The following PDE4D variants were observed in gnomAD, a reference collection of about 807,000 sequenced individuals.
PDE4D encodes the protein phosphodiesterase 4D, also known as 3',5'-cyclic-AMP phosphodiesterase 4D.
PDE4D carries 24 observed loss-of-function variants against 87.4 expected under a neutral mutation model. The ratio of observed to expected loss-of-function variants is 0.27; its 90% CI spans 0.20 to 0.39. The LOEUF (loss-of-function observed/expected upper bound fraction) is 0.39. Among genes scored for constraint, PDE4D ranks in the 10% least tolerant of loss-of-function variants. PDE4D has a pLI of 1.00. For synonymous variants in PDE4D, 384 were observed against 383.2 expected (o/e 1.00, Z -0.02); for missense variants, 714 against 1,041.0 (o/e 0.69, Z 4.32).
At chr5:59,645,255 G>A (rs1360029777) in intron 1 of PDE4D, among the ~76,000 whole-genome samples, 1 of 152,190 alleles carries the variant, frequency 6.6e-6, no homozygotes, top group African/African-American at 2.4e-5. Context: ...TAGGAAGGGT[G>A]AAGCTTCAGG....
At chr5:59,323,168 G>C (rs186884765) in intron 1 of PDE4D, among the ~76,000 whole-genome samples, 1 of 151,978 alleles carries the variant, frequency 6.6e-6, no homozygotes, top group Admixed American at 6.6e-5. Context: ...CTCCACCCTC[G>C]ACAATTCCCA....
intron 2 of PDE4D, among the ~76,000 whole-genome samples, chr5:60,143,901 T>A (rs1325557827): frequency 6.6e-6 from 1 of 152,124 alleles, no homozygotes; most frequent in Non-Finnish European, 1.5e-5. Flanking sequence ...GTGGGCTCAG[T>A]GGTCAGAATA....
intron 1 of PDE4D, among the ~76,000 whole-genome samples, chr5:59,259,131 A>G (rs1258416762): frequency 6.6e-6 from 1 of 151,870 alleles, no homozygotes; most frequent in Non-Finnish European, 1.5e-5. Context: ...ACAAACATAA[A>G]CAAGAAAATA....
At chr5:59,623,637 A>T (rs1483406963) in intron 1 of PDE4D, among the ~76,000 whole-genome samples, 6 of 152,160 alleles carry the variant, frequency 3.9e-5, no homozygotes, top group Non-Finnish European at 8.8e-5. Flanking sequence ...AGGTCCCCAG[A>T]GTTCCAATTC....
At chr5:60,302,158 G>C (rs1020605813) in intron 1 of PDE4D, among the ~76,000 whole-genome samples, 12 of 152,150 alleles carry the variant, frequency 7.9e-5, no homozygotes, top group African/African-American at 2.9e-4. Flanking sequence ...TCTCTGCCAG[G>C]TTTTGGTATC....
intron 1 of PDE4D, among the ~76,000 whole-genome samples, chr5:60,462,748 C>T (rs1049814428): frequency 6.6e-6 from 1 of 152,184 alleles, no homozygotes; most frequent in Non-Finnish European, 1.5e-5. Context: ...TCATTCACTA[C>T]CACTGAGCCC....
At chr5:59,790,231 T>A (rs1420385905) in intron 1 of PDE4D, among the ~76,000 whole-genome samples, 1 of 152,060 alleles carries the variant, frequency 6.6e-6, no homozygotes, top group Non-Finnish European at 1.5e-5. Flanking sequence ...CACAGCAAAA[T>A]AATTACATGA....
intron 1 of PDE4D, among the ~76,000 whole-genome samples, chr5:60,249,429 A>C (rs958678763): frequency 1.3e-5 from 2 of 152,058 alleles, no homozygotes; most frequent in Admixed American, 1.3e-4. Flanking sequence ...AAATGTTTAT[A>C]AAATACAGTT....
chr5:59,939,793 G>T (rs1756991610), intron 3 of PDE4D, among the ~76,000 whole-genome samples: 1 of 152,106 alleles, frequency 6.6e-6, no homozygotes, highest in Non-Finnish European at 1.5e-5. Flanking sequence ...CCAACCTAAG[G>T]ATTGTGAACT....
intron 1 of PDE4D, among the ~76,000 whole-genome samples, chr5:60,299,117 A>G (rs909296661): frequency 6.6e-6 from 1 of 152,238 alleles, no homozygotes; most frequent in Non-Finnish European, 1.5e-5. Flanking sequence ...AAGTAAAATT[A>G]GGTTTTTTTT....
chr5:60,133,808 G>T (rs1157318991), intron 2 of PDE4D, among the ~76,000 whole-genome samples: 1 of 152,100 alleles, frequency 6.6e-6, no homozygotes, highest in Non-Finnish European at 1.5e-5. Flanking sequence ...CTGACTCCTT[G>T]TAACTATATA....
At chr5:59,659,531 A>ATAAT (rs1744899491) in intron 1 of PDE4D, among the ~76,000 whole-genome samples, 1 of 152,230 alleles carries the variant, frequency 6.6e-6, no homozygotes, top group African/African-American at 2.4e-5. Context: ...GGCCTTTCCG[A>ATAAT]TAATTATGTC....
intron 5 of PDE4D, among the ~76,000 whole-genome samples, chr5:59,126,687 T>G (rs1775450645): frequency 6.6e-6 from 1 of 152,226 alleles, no homozygotes; most frequent in Non-Finnish European, 1.5e-5. Flanking sequence ...CAGATTTTGC[T>G]TTATGTGCCT....
At chr5:59,394,916 C>T (rs543471112) in intron 1 of PDE4D, among the ~76,000 whole-genome samples, 11 of 152,182 alleles carry the variant, frequency 7.2e-5, no homozygotes, top group South Asian at 4.1e-4. Context: ...TTGCCTCACT[C>T]GGGAAGTGCA....
intron 1 of PDE4D, among the ~76,000 whole-genome samples, chr5:59,819,760 C>T (rs556945163): frequency 8.5e-5 from 13 of 152,278 alleles, no homozygotes; most frequent in African/African-American, 2.9e-4. Context: ...AGCTATCTTT[C>T]CCCTCTGTAG....
At chr5:60,149,322 A>G (rs1299281696) in intron 2 of PDE4D, among the ~76,000 whole-genome samples, 1 of 152,190 alleles carries the variant, frequency 6.6e-6, no homozygotes, top group South Asian at 2.1e-4. Flanking sequence ...GTGAGAGCAC[A>G]TGAAATAGAG....
Position 59,100,537 on chromosome 5 carries a change from C to T in PDE4D, c.809-61566G>A, listed in dbSNP as rs77118120. ...ACTTGAACATTACTCTACACACAGT[C>T]CATTATGACATCTTAGTCTATTTGG... On this transcript the variant is annotated intron_variant, in intron 5 of 14. Coordinates refer to ENST00000340635, the MANE Select transcript of PDE4D (RefSeq NM_001104631.2). Among the ~76,000 whole-genome samples the T allele has an allele frequency of 7.2e-3, 1,098 of 152,202 alleles. 9 individuals carry two copies. Among genetic ancestry groups the T allele is most frequent in the Non-Finnish European group, 0.012 (848 of 68,008 alleles).
intron 1 of PDE4D, among the ~76,000 whole-genome samples, chr5:59,276,962 G>C (rs895233695): frequency 6.6e-6 from 1 of 152,064 alleles, no homozygotes; most frequent in Admixed American, 6.6e-5. Flanking sequence ...CTACACAGAG[G>C]ATATATACTC....
At chr5:59,879,257 C>T (rs1749090423) in intron 1 of PDE4D, among the ~76,000 whole-genome samples, 1 of 152,196 alleles carries the variant, frequency 6.6e-6, no homozygotes, top group East Asian at 1.9e-4. Flanking sequence ...CTGCTTAAAA[C>T]CAATCAGTGC....
Sources: gnomAD v4.1 joint callset for allele counts (sites outside exome capture counted in the v4.1 genomes callset) on GRCh38, gnomAD v4.1.1 for gene constraint, MANE v1.5 for transcripts, NCBI Gene and HGNC (gene_info 2026-07-23, HGNC 2026-07-21) for gene names.